The following GMCL1 variants were observed in gnomAD, a reference collection of about 807,000 sequenced individuals.
GMCL1 encodes the protein germ cell-less 1, spermatogenesis associated.
A neutral mutation model predicts 75.5 loss-of-function variants in GMCL1; 54 were observed. That is an observed-to-expected ratio of 0.71 (90% CI 0.57 to 0.90). The LOEUF (loss-of-function observed/expected upper bound fraction) is 0.90, where lower values mean the gene tolerates loss of function less well. GMCL1 is among the 40% of genes least tolerant of loss of function. GMCL1 has a pLI of 0.00. For missense variants in GMCL1, 537 were observed against 622.7 expected (o/e 0.86, Z 1.47); for synonymous variants, 210 against 209.6 (o/e 1.00, Z -0.02).
chr2:69,871,066 G>T (rs565153064), intron 12 of GMCL1, among the ~76,000 whole-genome samples: 2 of 152,138 alleles, frequency 1.3e-5, no homozygotes, highest in African/African-American at 4.8e-5. Flanking sequence ...AGATATTTTT[G>T]TATACTTATG....
At chr2:69,856,642 T>A (rs1230382101) in intron 9 of GMCL1, among the ~76,000 whole-genome samples, 21 of 34,132 alleles carry the variant, frequency 6.2e-4, no homozygotes, top group African/African-American at 3.2e-3. Context: ...CTTCCCTCCT[T>A]TTTTTTTTTT....
chr2:69,867,280 G>C (rs547282511), intron 11 of GMCL1, among the ~76,000 whole-genome samples: 1 of 151,998 alleles, frequency 6.6e-6, no homozygotes, highest in South Asian at 2.1e-4. Flanking sequence ...TCTTATTCTC[G>C]GTCGTGTTGA....
intron 8 of GMCL1, 37 bp downstream of exon 8, chr2:69,849,779 G>A (rs767583680): frequency 3.0e-6 from 4 of 1,333,870 alleles, no homozygotes; most frequent in African/African-American, 1.5e-5. Context: ...TCTTTTAAAA[G>A]GAAATTTGTT....
Position 69,840,923 on chromosome 2 carries a change from A to T in GMCL1, c.482-19A>T. On this transcript the variant is annotated intron_variant, in intron 3 of 13. Coordinates refer to ENST00000282570, the MANE Select transcript of GMCL1 (RefSeq NM_178439.5). Reference sequence around the variant, plus strand: ...AGATATAAATATTATTTCATCCTACATGTGTACCTTGCTTTCAGCACTGCA... The same window carrying T: ...AGATATAAATATTATTTCATCCTACTTGTGTACCTTGCTTTCAGCACTGCA... 6.5e-7 allele frequency: 1 copy of T among 1,543,712 alleles called. No individual in the cohort carries two copies. The highest frequency in any genetic ancestry group is 9.0e-7 in the Non-Finnish European group (1 of 1,116,622).
At chr2:69,832,325 A>G (rs1202374387) in intron 1 of GMCL1, among the ~76,000 whole-genome samples, 1 of 152,232 alleles carries the variant, frequency 6.6e-6, no homozygotes, top group African/African-American at 2.4e-5. Context: ...TTAGGCTTTG[A>G]CAAATATGAG....
chr2:69,858,562 C>CA (rs1201680343), intron 9 of GMCL1, among the ~76,000 whole-genome samples: 1 of 152,102 alleles, frequency 6.6e-6, no homozygotes, highest in African/African-American at 2.4e-5. Flanking sequence ...GAACCTGCTT[C>CA]ACTTATTTTC....
chr2:69,879,095 T>C lies in GMCL1; in HGVS notation c.*91T>C. On this transcript the variant is annotated 3_prime_UTR_variant, in exon 14 of 14. Transcript: ENST00000282570. ...GAAAACTTTTTAGGCCAGCTTTAAT[T>C]TAATGGCCCTACTGATATTCACATC... 1.4e-6 allele frequency: 1 copy of C among 736,356 alleles called. No homozygotes were observed. Among genetic ancestry groups the C allele is most frequent in the South Asian group, 1.6e-5 (1 of 63,042 alleles). 45.6% of individuals were successfully genotyped at this position (736,356 alleles called of 1,614,324 possible).
intron 9 of GMCL1, among the ~76,000 whole-genome samples, chr2:69,859,918 T>A (rs1009091146): frequency 2.0e-5 from 3 of 150,318 alleles, no homozygotes; most frequent in Non-Finnish European, 4.4e-5. Flanking sequence ...TTTAAGAACT[T>A]AAAAAAAAAT....
intron 3 of GMCL1, 52 bp downstream of exon 3, chr2:69,839,605 ATTC>A (rs764840838): frequency 8.8e-7 from 1 of 1,142,446 alleles, no homozygotes; most frequent in East Asian, 2.4e-5. Flanking sequence ...ACATAATCTT[ATTC>A]TTCTGGTAGA....
At position 69,839,512 on chromosome 2, in the gene GMCL1, T is replaced by C; in HGVS notation, c.440T>C (p.Ile147Thr). Residue 147 changes from isoleucine to threonine, a missense_variant, in exon 3 of 14, where the codon ATT becomes ACT. Physicochemically the swap from Ile to Thr is moderately conservative, Grantham distance 89 (BLOSUM62 -1). Transcript: ENST00000282570. Reference sequence around the variant, plus strand: ...TCTTGGAAAGAATCCAGCATGAATATTATTGAACTGGAGATTCCTGACCAG... The same window carrying C: ...TCTTGGAAAGAATCCAGCATGAATACTATTGAACTGGAGATTCCTGACCAG... ...SGSWKESSMN[I>T]IELEIPDQNI... 6.2e-7 allele frequency: 1 copy of C among 1,606,240 alleles called. No homozygotes were observed. The highest frequency in any genetic ancestry group is 8.5e-7 in the Non-Finnish European group (1 of 1,173,632).
rs184159180 is a variant in GMCL1 at position 69,869,453 on chromosome 2, A to G, written c.1219-266A>G. The G allele has an allele frequency of 2.1e-3, 431 of 205,298 alleles. 1 individual carries two copies. Among genetic ancestry groups the G allele is most frequent in the Non-Finnish European group, 3.3e-3 (347 of 105,104 alleles). 12.7% of individuals were successfully genotyped at this position (205,298 alleles called of 1,614,324 possible). Reference sequence around the variant, plus strand: ...AAAAAAAAAAAAAGCCTTATTATTTATGGTAGAATTGCAGTATGGAGAGAT... The same window carrying G: ...AAAAAAAAAAAAAGCCTTATTATTTGTGGTAGAATTGCAGTATGGAGAGAT... On this transcript the variant is annotated intron_variant, in intron 11 of 13. Coordinates refer to ENST00000282570, the MANE Select transcript of GMCL1 (RefSeq NM_178439.5).
rs1240808523 is a variant in GMCL1, at chr2:69,869,819, G to A, written c.1319G>A (p.Cys440Tyr). The A allele has an allele frequency of 6.2e-7, 1 of 1,613,976 alleles. No homozygotes were observed. The highest frequency in any genetic ancestry group is 1.7e-5 in the Admixed American group (1 of 59,992). ...AAACGCAATACACTGAATCAGCCAT[G>A]TAGCGGATCTGTCAGTTTACAGCCT... is the stretch of plus-strand genomic sequence containing the variant. ...IFKRNTLNQP[C>Y]SGSVSLQPRR... is the part of the protein sequence containing the mutation. The change falls in exon 12 of 14, where the codon TGT (cysteine) becomes TAT (tyrosine). Residue 440 changes from cysteine (C) to tyrosine (Y), a missense_variant. By Grantham distance (194) the Cys-to-Tyr change is radical. This residue lies in a region of GMCL1 where 345 missense variants were observed against 410.5 expected (regional missense o/e 0.84). Coordinates refer to ENST00000282570, the MANE Select transcript of GMCL1 (RefSeq NM_178439.5).
At chr2:69,861,229 A>C (rs1675633301) in intron 9 of GMCL1, 49 bp from the exon 10 acceptor site, 9 of 1,263,562 alleles carry the variant, frequency 7.1e-6, no homozygotes, top group Non-Finnish European at 1.0e-5. Context: ...TAAATCCTTT[A>C]TGTTCTTCAG....
chr2:69,866,362 C>CA (rs919551364), intron 11 of GMCL1, among the ~76,000 whole-genome samples: 18 of 151,274 alleles, frequency 1.2e-4, no homozygotes, highest in Non-Finnish European at 1.2e-4. Flanking sequence ...TTTTGTTTTT[C>CA]AAAAAAAATC....
intron 9 of GMCL1, among the ~76,000 whole-genome samples, chr2:69,855,161 G>A (rs1337526851): frequency 1.3e-5 from 2 of 151,912 alleles, no homozygotes; most frequent in Non-Finnish European, 2.9e-5. Flanking sequence ...CATATTTCAT[G>A]AAATACTCTC....
intron 11 of GMCL1, among the ~76,000 whole-genome samples, chr2:69,866,172 C>T (rs912518929): frequency 2.0e-5 from 3 of 151,346 alleles, no homozygotes; most frequent in Non-Finnish European, 4.4e-5. Context: ...TGCTTGAACT[C>T]GTAAGGCAGA....
intron 10 of GMCL1, 36 bp from the exon 11 acceptor site, chr2:69,864,864 T>C: frequency 7.4e-7 from 1 of 1,355,368 alleles, no homozygotes; most frequent in Middle Eastern, 1.8e-4. Context: ...AGTTGCATAT[T>C]TTCTATGAAC....
At chr2:69,855,978 A>G (rs1243086746) in intron 9 of GMCL1, among the ~76,000 whole-genome samples, 2 of 152,198 alleles carry the variant, frequency 1.3e-5, no homozygotes, top group Non-Finnish European at 2.9e-5. Flanking sequence ...CTGTGATGCA[A>G]GTGGATAAGC....
At chr2:69,875,900 C>G (rs543225310) in intron 13 of GMCL1, among the ~76,000 whole-genome samples, 1 of 152,192 alleles carries the variant, frequency 6.6e-6, no homozygotes, top group South Asian at 2.1e-4. Context: ...CTCTGTTGGC[C>G]AAGATGGTCT....
Sources: gnomAD v4.1 joint callset for allele counts (sites outside exome capture counted in the v4.1 genomes callset) on GRCh38, gnomAD v4.1.1 for gene constraint, gnomAD v4.1.1 regional missense constraint, MANE v1.5 for transcripts, NCBI Gene and HGNC (gene_info 2026-07-23, HGNC 2026-07-21) for gene names.